The following GTF2H4 variants were observed in gnomAD, a reference collection of about 807,000 sequenced individuals.
The protein encoded by GTF2H4 is BTF2 p52.
GTF2H4 carries 49 observed loss-of-function variants against 62.2 expected under a neutral mutation model. The ratio of observed to expected loss-of-function variants is 0.79; its 90% confidence interval spans 0.63 to 1.00. The LOEUF (loss-of-function observed/expected upper bound fraction) is 1.00. GTF2H4 is among the 50% of genes least tolerant of loss of function. The probability of loss-of-function intolerance (pLI) is 0.00; values close to 1 mark genes in which losing one functional copy is unlikely to be tolerated. For synonymous variants in GTF2H4, 189 were observed against 233.8 expected, an observed-to-expected ratio of 0.81 and a Z score of 1.75; for missense variants, 479 against 587.8, an observed-to-expected ratio of 0.81 and a Z score of 1.91.
chr6:30,913,445 C>G lies in GTF2H4; in HGVS notation c.1216+58C>G. The G allele has an allele frequency of 6.4e-7, 1 of 1,560,668 alleles. No homozygotes were observed. Among genetic ancestry groups the G allele is most frequent in the South Asian group, 1.2e-5 (1 of 86,272 alleles). ...TTGGCCAGAGAAAGGGCAGACAGTT[C>G]AGTCTGCATTTTATTTTTTACTTCA... On this transcript the variant is annotated intron_variant, in intron 13 of 13. Transcript: ENST00000259895. This position sits in a 1 kb window ranked among gnomAD's most constrained non-coding sequence, Gnocchi z 4.2.
chr6:30,911,702 A>G lies in GTF2H4; in HGVS notation c.760A>G (p.Met254Val). The G allele has an allele frequency of 5.0e-6, 8 of 1,612,832 alleles. No homozygotes were observed. Among genetic ancestry groups the G allele is most frequent in the Non-Finnish European group, 6.8e-6 (8 of 1,179,852 alleles). ...TLGKDYSVEG[M>V]SDSLLNFLQH... ...TCCTCAGGATTACTCTGTGGAAGGTATGAGTGATTCTCTGTTGAACTTCCT... is the reference window on the plus strand; with the variant it reads ...TCCTCAGGATTACTCTGTGGAAGGTGTGAGTGATTCTCTGTTGAACTTCCT... The change falls in exon 9 of 14, where the codon ATG becomes GTG. Residue 254 changes from methionine (M) to valine (V), a missense_variant. Coordinates refer to ENST00000259895, the MANE Select transcript of GTF2H4 (RefSeq NM_001517.5). This position sits in a 1 kb window ranked among gnomAD's most constrained non-coding sequence, Gnocchi z 4.3.
chr6:30,909,931 G>A lies in GTF2H4; in HGVS notation c.243-1G>A. 1 of 1,609,886 alleles carries A rather than the reference G, an allele frequency of 6.2e-7. No individual in the cohort carries two copies. Among genetic ancestry groups the A allele is most frequent in the East Asian group, 2.2e-5 (1 of 44,838 alleles). Reference sequence around the variant, plus strand: ...TACTCACCTCTCTGCTTCTGTTCCAGGGCTCAGGAGGAAAGTACAGGGCTG... The same window carrying A: ...TACTCACCTCTCTGCTTCTGTTCCAAGGCTCAGGAGGAAAGTACAGGGCTG... On this transcript the variant is annotated splice_acceptor_variant, in intron 3 of 13. Transcript: ENST00000259895. LOFTEE classifies it high-confidence loss of function. This position sits in a 1 kb window ranked among gnomAD's most constrained non-coding sequence, Gnocchi z 4.3.
rs1445686504 is a variant in GTF2H4, at chr6:30,910,830, C to G, written c.472-23C>G. 1.9e-6 allele frequency: 3 copies of G among 1,608,728 alleles called. No individual in the cohort carries two copies. In the Admixed American group the frequency reaches 5.0e-5, roughly 27 times the overall value. On this transcript the variant is annotated intron_variant, in intron 5 of 13. Coordinates refer to ENST00000259895, the MANE Select transcript of GTF2H4 (RefSeq NM_001517.5). The surrounding 1 kb of genome is among the most constrained non-coding windows in gnomAD (Gnocchi z 4.7). ...TCCCATGGCCCTTGGGGCATGGTCT[C>G]CCTGTTCTCTTCTGTTCTTCAGGTG...
In GTF2H4 at chr6:30,912,699, C is replaced by T. The variant is rs897365076; in HGVS notation, c.1089+241C>T. Reference sequence around the variant, plus strand: ...CCTCGGCACTGCCACATCCTAACTGCGTAAACTAGACATAGTTGTTTTGCC... The same window carrying T: ...CCTCGGCACTGCCACATCCTAACTGTGTAAACTAGACATAGTTGTTTTGCC... On this transcript the variant is annotated intron_variant, in intron 11 of 13. Coordinates refer to ENST00000259895, the MANE Select transcript of GTF2H4 (RefSeq NM_001517.5). The surrounding 1 kb of genome is among the most constrained non-coding windows in gnomAD (Gnocchi z 4.8). Among the ~76,000 whole-genome samples the T allele has an allele frequency of 1.3e-5, 2 of 151,992 alleles. No individual in the cohort carries two copies. Among genetic ancestry groups the T allele is most frequent in the African/African-American group, 2.4e-5 (1 of 41,342 alleles).
chr6:30,910,644 C>T lies in GTF2H4; in HGVS notation c.375-21C>T. ...CTGCGCCTGGCCAGGGTTCCTTACT[C>T]TTGGCCCATCCTGGCCGTAGGGGGA... On this transcript the variant is annotated intron_variant, in intron 4 of 13. Coordinates refer to ENST00000259895, the MANE Select transcript of GTF2H4 (RefSeq NM_001517.5). The surrounding 1 kb of genome is among the most constrained non-coding windows in gnomAD (Gnocchi z 4.7). 2 of 1,591,312 alleles carry T rather than the reference C, an allele frequency of 1.3e-6. No individual in the cohort carries two copies. The highest frequency in any genetic ancestry group is 1.3e-5 in the African/African-American group (1 of 74,610).
Position 30,911,589 on chromosome 6 carries a change from G to C in GTF2H4, c.741+90G>C. ...GACTGAGAAGATAAGAATGAAAACAGAACGAACAGAGATGGAGAAAGAAAG... is the reference window on the plus strand; with the variant it reads ...GACTGAGAAGATAAGAATGAAAACACAACGAACAGAGATGGAGAAAGAAAG... On this transcript the variant is annotated intron_variant, in intron 8 of 13. Coordinates refer to ENST00000259895, the MANE Select transcript of GTF2H4 (RefSeq NM_001517.5). This position sits in a 1 kb window ranked among gnomAD's most constrained non-coding sequence, Gnocchi z 4.3. 3 of 1,081,846 alleles carry C rather than the reference G, an allele frequency of 2.8e-6. No individual in the cohort carries two copies. The highest frequency in any genetic ancestry group is 4.0e-6 in the Non-Finnish European group (3 of 750,864). 67.0% of individuals were successfully genotyped at this position (1,081,846 alleles called of 1,614,324 possible).
At position 30,910,173 on chromosome 6, in the gene GTF2H4, G is replaced by C; in HGVS notation, c.374+110G>C. The stretch of plus-strand genomic sequence containing the variant: ...CCTGGGGGCCTCCCCAGAACCTTGT[G>C]GTCTCCACGTTGGGAACTCCTTTAG... On this transcript the variant is annotated intron_variant, in intron 4 of 13. Coordinates refer to ENST00000259895, the MANE Select transcript of GTF2H4 (RefSeq NM_001517.5). The surrounding 1 kb of genome is among the most constrained non-coding windows in gnomAD (Gnocchi z 4.7). 1 of 1,217,364 alleles carries C rather than the reference G, an allele frequency of 8.2e-7. No individual in the cohort carries two copies. The allele number at this position is 1,217,364 out of a possible 1,614,324, so 75.4% of individuals were successfully genotyped here. A position where few individuals can be genotyped will look rare whatever the true frequency, so the allele number is the denominator to read the frequency against.
Position 30,913,307 on chromosome 6 carries a change from A to C in GTF2H4, c.1138-2A>C. 2 of 1,613,854 alleles carry C rather than the reference A, an allele frequency of 1.2e-6. No homozygotes were observed. The highest frequency in any genetic ancestry group is 1.7e-6 in the Non-Finnish European group (2 of 1,180,006). ...CCTACAGTCAACCCTTGCTCCTTGC[A>C]GACACCTGTGCTGCCCCCCACCATC... On this transcript the variant is annotated splice_acceptor_variant, in intron 12 of 13. Transcript: ENST00000259895. LOFTEE classifies it high-confidence loss of function. This position sits in a 1 kb window ranked among gnomAD's most constrained non-coding sequence, Gnocchi z 4.2.
Position 30,913,668 on chromosome 6 carries a change from G to C in GTF2H4, c.1217-143G>C. On this transcript the variant is annotated intron_variant, in intron 13 of 13. Transcript: ENST00000259895. The surrounding 1 kb of genome is among the most constrained non-coding windows in gnomAD (Gnocchi z 4.2). ...GAACCCCTGAGCAGACAAGCATAGAGAATTAGTTTGTAAAATTGCGGTGGG... is the reference window on the plus strand; with the variant it reads ...GAACCCCTGAGCAGACAAGCATAGACAATTAGTTTGTAAAATTGCGGTGGG... 1 of 775,068 alleles carries C rather than the reference G, an allele frequency of 1.3e-6. No homozygotes were observed. The highest frequency in any genetic ancestry group is 2.8e-5 in the East Asian group (1 of 35,790). 48.0% of individuals were successfully genotyped at this position (775,068 alleles called of 1,614,324 possible).
In GTF2H4 at chr6:30,912,394, T is replaced by G; in HGVS notation, c.1025T>G (p.Val342Gly). The change falls in exon 11 of 14, where the codon GTG (valine) becomes GGG (glycine). Residue 342 changes from valine (V) to glycine (G), a missense_variant. Transcript: ENST00000259895. This position sits in a 1 kb window ranked among gnomAD's most constrained non-coding sequence, Gnocchi z 4.8. ...ATGCTCTATCGGTTCCCCAACATGG[T>G]GGTGGCGCAGGTGACCCGGGAGAGT... ...SEMLYRFPNM[V>G]VAQVTRESVQ... 1 of 1,612,842 alleles carries G rather than the reference T, an allele frequency of 6.2e-7. No homozygotes were observed. The highest frequency in any genetic ancestry group is 8.5e-7 in the Non-Finnish European group (1 of 1,179,990).
Position 30,912,223 on chromosome 6 carries a change from C to A in GTF2H4, c.958+77C>A. 1.2e-6 allele frequency: 2 copies of A among 1,600,856 alleles called. No individual in the cohort carries two copies. Among genetic ancestry groups the A allele is most frequent in the Non-Finnish European group, 1.7e-6 (2 of 1,172,080 alleles). ...CCAGTTTATGTTCGTGTTTACCTGGCAGTCTACAGAGCTCTCTGACATTTC... is the reference window on the plus strand; with the variant it reads ...CCAGTTTATGTTCGTGTTTACCTGGAAGTCTACAGAGCTCTCTGACATTTC... On this transcript the variant is annotated intron_variant, in intron 10 of 13. Transcript: ENST00000259895. This position sits in a 1 kb window ranked among gnomAD's most constrained non-coding sequence, Gnocchi z 4.8.
Position 30,913,500 on chromosome 6 carries a change from GT to G in GTF2H4, c.1216+119del. On this transcript the variant is annotated intron_variant, in intron 13 of 13. Transcript: ENST00000259895. The surrounding 1 kb of genome is among the most constrained non-coding windows in gnomAD (Gnocchi z 4.2). ...CTAGGAGAGAAAAGCTGGCAAGACA[GT>G]TTTTTGTTGTTTTGGGGTGAGTCGG... 1 of 1,231,142 alleles carries G rather than the reference GT, an allele frequency of 8.1e-7. No homozygotes were observed. The highest frequency in any genetic ancestry group is 1.1e-6 in the Non-Finnish European group (1 of 883,526). The allele number at this position is 1,231,142 out of a possible 1,614,324, so 76.3% of individuals were successfully genotyped here.
chr6:30,912,292 G>A lies in GTF2H4; in HGVS notation c.959-36G>A. On this transcript the variant is annotated intron_variant, in intron 10 of 13. Transcript: ENST00000259895. This position sits in a 1 kb window ranked among gnomAD's most constrained non-coding sequence, Gnocchi z 4.8. Reference sequence around the variant, plus strand: ...GGGCTTGAGGGAGTCTGGGTGTGGGGGTGGCCTCCTCATCCTCTTTCTATC... The same window carrying A: ...GGGCTTGAGGGAGTCTGGGTGTGGGAGTGGCCTCCTCATCCTCTTTCTATC... 1 of 1,611,288 alleles carries A rather than the reference G, an allele frequency of 6.2e-7. No individual in the cohort carries two copies.
In GTF2H4 at chr6:30,912,980, G is replaced by A. The variant is rs1264307; in HGVS notation, c.1090-130G>A. Reference sequence around the variant, plus strand: ...CGTGGGATAACAGCTGAACTGGGATGGGTGGAGTTGATGACAGGAGTTATG... The same window carrying A: ...CGTGGGATAACAGCTGAACTGGGATAGGTGGAGTTGATGACAGGAGTTATG... On this transcript the variant is annotated intron_variant, in intron 11 of 13. Coordinates refer to ENST00000259895, the MANE Select transcript of GTF2H4 (RefSeq NM_001517.5). This position sits in a 1 kb window ranked among gnomAD's most constrained non-coding sequence, Gnocchi z 4.8. The A allele has an allele frequency of 0.32, 255,612 of 797,246 alleles. 43,954 individuals are homozygous for A. Among genetic ancestry groups the A allele is most frequent in the Non-Finnish European group, 0.36 (175,271 of 492,530 alleles). The allele number at this position is 797,246 out of a possible 1,614,324, so 49.4% of individuals were successfully genotyped here.
At position 30,910,652 on chromosome 6, in the gene GTF2H4, A is replaced by G. The variant is rs762640534; in HGVS notation, c.375-13A>G. ...GGCCAGGGTTCCTTACTCTTGGCCC[A>G]TCCTGGCCGTAGGGGGAAGGCCTGG... On this transcript the variant is annotated splice_polypyrimidine_tract_variant and intron_variant, in intron 4 of 13. Coordinates refer to ENST00000259895, the MANE Select transcript of GTF2H4 (RefSeq NM_001517.5). This position sits in a 1 kb window ranked among gnomAD's most constrained non-coding sequence, Gnocchi z 4.7. 1 of 1,607,038 alleles carries G rather than the reference A, an allele frequency of 6.2e-7. No homozygotes were observed. Among genetic ancestry groups the G allele is most frequent in the Admixed American group, 1.7e-5 (1 of 60,008 alleles).
rs907376838 is a variant in GTF2H4 at position 30,910,686 on chromosome 6, C to T, written c.396C>T (p.Asp132=). The change falls in exon 5 of 14, where the codon GAC becomes GAT. Residue 132 remains aspartate, a synonymous_variant. Coordinates refer to ENST00000259895, the MANE Select transcript of GTF2H4 (RefSeq NM_001517.5). This position sits in a 1 kb window ranked among gnomAD's most constrained non-coding sequence, Gnocchi z 4.7. ...LLGGGKAWSD[D]TSQLGPDKHA... is the part of the protein sequence containing the mutation. ...GTAGGGGGAAGGCCTGGTCTGATGA[C>T]ACAAGTCAGCTGGGACCAGACAAGC... 1.9e-6 allele frequency: 3 copies of T among 1,612,976 alleles called. No homozygotes were observed. Among genetic ancestry groups the T allele is most frequent in the Non-Finnish European group, 2.5e-6 (3 of 1,179,976 alleles).
At chr6:30,908,628 A>G (rs538794691) in intron 1 of GTF2H4, among the ~76,000 whole-genome samples, 3 of 152,286 alleles carry the variant, frequency 2.0e-5, no homozygotes, top group South Asian at 4.1e-4. Context: ...GCTAAGAGAT[A>G]GAAGATAGGA....
chr6:30,913,761 C>A lies in GTF2H4; in HGVS notation c.1217-50C>A. On this transcript the variant is annotated intron_variant, in intron 13 of 13. Coordinates refer to ENST00000259895, the MANE Select transcript of GTF2H4 (RefSeq NM_001517.5). This position sits in a 1 kb window ranked among gnomAD's most constrained non-coding sequence, Gnocchi z 4.2. ...GGGGATTCCCAATAGGAGCTCCGAG[C>A]TTCACTTTCTCGTCTTCTCCCCGCG... 6.8e-7 allele frequency: 1 copy of A among 1,475,636 alleles called. No homozygotes were observed. Among genetic ancestry groups the A allele is most frequent in the Non-Finnish European group, 9.0e-7 (1 of 1,105,052 alleles). The allele number at this position is 1,475,636 out of a possible 1,614,324, so 91.4% of individuals were successfully genotyped here. A position where few individuals can be genotyped will look rare whatever the true frequency, so the allele number is the denominator to read the frequency against.
Position 30,909,302 on chromosome 6 carries a change from G to T in GTF2H4, c.137+129G>T. On this transcript the variant is annotated intron_variant, in intron 2 of 13. Coordinates refer to ENST00000259895, the MANE Select transcript of GTF2H4 (RefSeq NM_001517.5). The surrounding 1 kb of genome is among the most constrained non-coding windows in gnomAD (Gnocchi z 4.3). ...GGCAAGGGTTGGAAATTGCTCTAAAGTGTGGAGGCCAAAACAGCAGGACTG... is the reference window on the plus strand; with the variant it reads ...GGCAAGGGTTGGAAATTGCTCTAAATTGTGGAGGCCAAAACAGCAGGACTG... The T allele has an allele frequency of 1.6e-6, 2 of 1,289,030 alleles. No individual in the cohort carries two copies. The highest frequency in any genetic ancestry group is 1.4e-5 in the South Asian group (1 of 72,072). 79.8% of individuals were successfully genotyped at this position (1,289,030 alleles called of 1,614,324 possible).
Sources: gnomAD v4.1 joint callset for allele counts (sites outside exome capture counted in the v4.1 genomes callset) on GRCh38, gnomAD v4.1.1 for gene constraint, Gnocchi (gnomAD v3.1) non-coding constraint, MANE v1.5 for transcripts, NCBI Gene and HGNC (gene_info 2026-07-23, HGNC 2026-07-21) for gene names.